The following GFRA1 variants were observed in gnomAD, a reference collection of about 807,000 sequenced individuals.
GFRA1 encodes GDNF family receptor alpha 1.
A neutral mutation model predicts 51.6 loss-of-function variants in GFRA1; 16 were observed. The ratio of observed to expected loss-of-function variants is 0.31; its 90% CI spans 0.21 to 0.47. The LOEUF (loss-of-function observed/expected upper bound fraction) is 0.47, where lower values mean the gene tolerates loss of function less well. Ranked by LOEUF, GFRA1 falls within the 20% of genes least tolerant of loss-of-function variation. GFRA1 has a pLI of 1.00. For missense variants in GFRA1, 530 were observed against 594.3 expected (o/e 0.89, Z 1.13); for synonymous variants, 270 against 241.3 (o/e 1.12, Z -1.10).
intron 6 of GFRA1, among the ~76,000 whole-genome samples, chr10:116,110,962 G>A (rs1957185817): frequency 1.3e-5 from 2 of 152,112 alleles, no homozygotes; most frequent in Non-Finnish European, 2.9e-5. Flanking sequence ...AGCACTTTTG[G>A]ATCTTGAACA....
intron 10 of GFRA1, 129 bp downstream of exon 10, chr10:116,065,444 G>T (rs151257042): frequency 2.7e-6 from 2 of 754,432 alleles, no homozygotes; most frequent in Non-Finnish European, 4.7e-6. Flanking sequence ...CGGTCATGGA[G>T]GGTGGCTTAG....
intron 5 of GFRA1, among the ~76,000 whole-genome samples, chr10:116,183,227 T>C (rs947779522): frequency 1.2e-4 from 18 of 152,196 alleles, no homozygotes; most frequent in Admixed American, 2.0e-4. Flanking sequence ...GGGTTCAAAG[T>C]TGATTCTCCT....
At chr10:116,190,766 G>T (rs1963183121) in intron 5 of GFRA1, among the ~76,000 whole-genome samples, 1 of 152,208 alleles carries the variant, frequency 6.6e-6, no homozygotes, top group Non-Finnish European at 1.5e-5. Flanking sequence ...TAAGAGGGGT[G>T]GGAAACAAAG....
At chr10:116,086,597 G>A (rs1244217409) in intron 9 of GFRA1, among the ~76,000 whole-genome samples, 2 of 152,122 alleles carry the variant, frequency 1.3e-5, no homozygotes, top group Admixed American at 1.3e-4. Context: ...GCTCATGCAG[G>A]TCGTCATCTT....
chr10:116,271,537 C>A (rs1008827241), intron 2 of GFRA1, among the ~76,000 whole-genome samples: 4 of 152,140 alleles, frequency 2.6e-5, no homozygotes, highest in African/African-American at 9.6e-5. Flanking sequence ...GGGCACCGGG[C>A]GCGCGCTGGG....
chr10:116,096,773 G>T lies in GFRA1; in HGVS notation c.771-9C>A. The T allele has an allele frequency of 6.9e-7, 1 of 1,454,548 alleles. No homozygotes were observed. The highest frequency in any genetic ancestry group is 9.6e-7 in the Non-Finnish European group (1 of 1,036,974). The allele number at this position is 1,454,548 out of a possible 1,614,324, so 90.1% of individuals were successfully genotyped here. A position where few individuals can be genotyped will look rare whatever the true frequency, so the allele number is the denominator to read the frequency against. ...AATCCGCAAGGCGAGATCTACAATA[G>T]GAAAAAAGGGGTGGGGGGTGGAAAT... On this transcript the variant is annotated splice_polypyrimidine_tract_variant and intron_variant, in intron 6 of 10. Coordinates refer to ENST00000355422, the MANE Select transcript of GFRA1 (RefSeq NM_005264.8).
intron 5 of GFRA1, among the ~76,000 whole-genome samples, chr10:116,208,055 A>AG (rs1471902798): frequency 6.6e-6 from 1 of 151,816 alleles, no homozygotes; most frequent in Non-Finnish European, 1.5e-5. Flanking sequence ...CCTTTCTCTC[A>AG]GCTCCCTAGA....
intron 4 of GFRA1, among the ~76,000 whole-genome samples, chr10:116,231,684 A>C (rs1373493746): frequency 2.0e-5 from 3 of 152,202 alleles, no homozygotes; most frequent in Non-Finnish European, 4.4e-5. Context: ...TTTTAACTAA[A>C]AACAGCTGCC....
At chr10:116,115,183 T>C (rs1957364894) in intron 6 of GFRA1, among the ~76,000 whole-genome samples, 1 of 152,190 alleles carries the variant, frequency 6.6e-6, no homozygotes, top group Non-Finnish European at 1.5e-5. Flanking sequence ...TTCACTGAGT[T>C]GGAAATGCCC....
chr10:116,250,507 A>G (rs1968245803), intron 4 of GFRA1, among the ~76,000 whole-genome samples: 1 of 152,246 alleles, frequency 6.6e-6, no homozygotes, highest in Non-Finnish European at 1.5e-5. Context: ...ATAAATCAAT[A>G]CAAAACATGA....
At chr10:116,081,854 A>G (rs1271314901) in intron 9 of GFRA1, among the ~76,000 whole-genome samples, 1 of 152,224 alleles carries the variant, frequency 6.6e-6, no homozygotes, top group East Asian at 1.9e-4. Flanking sequence ...TTATATATTG[A>G]TTTTAATATA....
intron 5 of GFRA1, among the ~76,000 whole-genome samples, chr10:116,199,924 C>T (rs1314895691): frequency 1.3e-5 from 2 of 152,148 alleles, no homozygotes; most frequent in African/African-American, 2.4e-5. Flanking sequence ...AGTTCTTTTC[C>T]ATCATATTTT....
rs1211764004 is a variant in GFRA1 at position 116,272,423 on chromosome 10, G to C, written c.-246-148C>G. 6.1e-6 allele frequency: 2 copies of C among 328,230 alleles called. No individual in the cohort carries two copies. Among genetic ancestry groups the C allele is most frequent in the Non-Finnish European group, 5.8e-6 (1 of 172,294 alleles). 20.3% of individuals were successfully genotyped at this position (328,230 alleles called of 1,614,324 possible). Reference sequence around the variant, plus strand: ...CCCACCCAGGTCGGGGTGCATGTGCGTGTTTTCCAGGGGCCGCTGACACGG... The same window carrying C: ...CCCACCCAGGTCGGGGTGCATGTGCCTGTTTTCCAGGGGCCGCTGACACGG... On this transcript the variant is annotated intron_variant, in intron 1 of 10. Transcript: ENST00000355422. The surrounding 1 kb of genome is among the most constrained non-coding windows in gnomAD (Gnocchi z 4.4).
At chr10:116,101,741 A>G (rs1956822656) in intron 6 of GFRA1, among the ~76,000 whole-genome samples, 1 of 152,158 alleles carries the variant, frequency 6.6e-6, no homozygotes, top group African/African-American at 2.4e-5. Flanking sequence ...TTCTTCCAGA[A>G]CAAATCCCAT....
chr10:116,117,633 GTGGATGGATTAA>G (rs1460822811), intron 6 of GFRA1, among the ~76,000 whole-genome samples: 3 of 146,644 alleles, frequency 2.0e-5, no homozygotes, highest in African/African-American at 7.6e-5. Flanking sequence ...AAATGGATGA[GTGGATGGATTAA>G]TGGATGGATA....
In GFRA1 at chr10:116,058,917, A is replaced by T. The variant is rs1227505515; in HGVS notation, c.*5481T>A. 6.6e-6 allele frequency: 1 copy of T among 152,188 alleles called. No individual in the cohort carries two copies. The highest frequency in any genetic ancestry group is 1.9e-4 in the East Asian group (1 of 5,184). The allele number at this position is 152,188 out of a possible 1,614,324, so 9.4% of individuals were successfully genotyped here. On this transcript the variant is annotated 3_prime_UTR_variant, in exon 11 of 11. Coordinates refer to ENST00000355422, the MANE Select transcript of GFRA1 (RefSeq NM_005264.8). ...TAAAATCTCAGCGGACTAACTGGCG[A>T]ATTTCCCACAAAGTCTACCCCCGTT...
intron 5 of GFRA1, among the ~76,000 whole-genome samples, chr10:116,142,566 G>C (rs1958617115): frequency 6.6e-6 from 1 of 152,154 alleles, no homozygotes; most frequent in Non-Finnish European, 1.5e-5. Context: ...CACACTGTAA[G>C]GTTCATTGTA....
chr10:116,260,559 G>T (rs955004961), intron 4 of GFRA1, among the ~76,000 whole-genome samples: 1 of 152,124 alleles, frequency 6.6e-6, no homozygotes, highest in Non-Finnish European at 1.5e-5. Context: ...TTTGAAGAAA[G>T]ATCGTAAAAG....
chr10:116,064,429 G>GACAGAGCGGTTACCACC lies in GFRA1; in HGVS notation c.1350_1366dup (p.Ser456TrpfsTer3), dbSNP rs1954998386. ...TGTTTCTGTTAAAGATAATAGGGTG[G>GACAGAGCGGTTACCACC]ACAGAGCGGTTACCACCAGGACCAG... On this transcript the variant is annotated stop_gained and frameshift_variant, in exon 11 of 11. Transcript: ENST00000355422. LOFTEE classifies it high-confidence loss of function. 1 of 1,612,412 alleles carries GACAGAGCGGTTACCACC rather than the reference G, an allele frequency of 6.2e-7. No homozygotes were observed. The highest frequency in any genetic ancestry group is 1.7e-5 in the Admixed American group (1 of 59,940).
Sources: gnomAD v4.1 joint callset for allele counts (sites outside exome capture counted in the v4.1 genomes callset) on GRCh38, gnomAD v4.1.1 for gene constraint, Gnocchi (gnomAD v3.1) non-coding constraint, MANE v1.5 for transcripts, NCBI Gene and HGNC (gene_info 2026-07-23, HGNC 2026-07-21) for gene names.